EMID1: variants seen among roughly 807,000 people sequenced by gnomAD.
EMID1 encodes the protein EMI domain-containing protein 1.
A neutral mutation model predicts 60.6 loss-of-function variants in EMID1; 40 were observed. The observed-to-expected ratio is 0.66, with a 90% confidence interval of 0.51 to 0.86. EMID1 has a LOEUF of 0.86. Among genes scored for constraint, EMID1 ranks in the 40% least tolerant of loss-of-function variants. The pLI is 0.00. For missense variants in EMID1, 585 were observed against 597.1 expected, an observed-to-expected ratio of 0.98 and a Z score of 0.21; for synonymous variants, 242 against 231.0, an observed-to-expected ratio of 1.05 and a Z score of -0.43.
intron 14 of EMID1, chr22:29,255,134 T>G: frequency 2.0e-6 from 1 of 499,370 alleles, no homozygotes; most frequent in Admixed American, 3.5e-5. Context: ...GAAACTGAGG[T>G]CTCAGTACTG....
intron 3 of EMID1, among the ~76,000 whole-genome samples, chr22:29,222,131 G>T (rs779454078): frequency 1.2e-4 from 18 of 151,980 alleles, no homozygotes; most frequent in Non-Finnish European, 2.2e-4. Flanking sequence ...TTTAGATAGG[G>T]TCTCACTCTT....
At position 29,259,035 on chromosome 22, in the gene EMID1, T is replaced by G; in HGVS notation, c.*91T>G. 6.6e-7 allele frequency: 1 copy of G among 1,526,540 alleles called. No homozygotes were observed. The highest frequency in any genetic ancestry group is 8.8e-7 in the Non-Finnish European group (1 of 1,138,108). The allele number at this position is 1,526,540 out of a possible 1,614,324, so 94.6% of individuals were successfully genotyped here. On this transcript the variant is annotated 3_prime_UTR_variant, in exon 15 of 15. Coordinates refer to ENST00000334018, the MANE Select transcript of EMID1 (RefSeq NM_133455.4). ...CCTCCAGGGACCGCCCGTCCATATT[T>G]ATTAATGTCCTCAGGGTCCCTTCTG...
chr22:29,243,535 A>C (rs780976103), intron 13 of EMID1, 46 bp downstream of exon 13: 1 of 1,611,252 alleles, frequency 6.2e-7, no homozygotes, highest in South Asian at 1.1e-5. Flanking sequence ...TCTCAGCCCT[A>C]CATGCTCAAG....
intron 5 of EMID1, among the ~76,000 whole-genome samples, chr22:29,229,569 G>T (rs1328447103): frequency 6.6e-6 from 1 of 151,626 alleles, no homozygotes; most frequent in Non-Finnish European, 1.5e-5. Flanking sequence ...CTTGAACCTG[G>T]GAGGCGGAGG....
At chr22:29,231,772 C>T in intron 7 of EMID1, 90 bp downstream of exon 7, 4 of 1,287,850 alleles carry the variant, frequency 3.1e-6, no homozygotes, top group Non-Finnish European at 4.1e-6. Context: ...CCAGGATGAC[C>T]TGGGCCCTTT....
At chr22:29,232,795 G>A (rs1040007227) in intron 8 of EMID1, 4 of 199,650 alleles carry the variant, frequency 2.0e-5, no homozygotes, top group Admixed American at 1.1e-4. Flanking sequence ...CCACAGGCCC[G>A]GCCCCTCCTC....
chr22:29,228,609 G>A (rs1043357876), intron 5 of EMID1, among the ~76,000 whole-genome samples: 1 of 152,142 alleles, frequency 6.6e-6, no homozygotes, highest in African/African-American at 2.4e-5. Flanking sequence ...CAGAAACAGG[G>A]TCTTGCTCTG....
chr22:29,215,438 G>A, intron 2 of EMID1, 89 bp from the exon 3 acceptor site: 1 of 1,395,146 alleles, frequency 7.2e-7, no homozygotes, highest in Non-Finnish European at 1.0e-6. Context: ...GATCCTGGAA[G>A]CTCTAGGTTT....
At chr22:29,228,412 A>T (rs1446237789) in intron 5 of EMID1, among the ~76,000 whole-genome samples, 3 of 152,214 alleles carry the variant, frequency 2.0e-5, no homozygotes, top group Non-Finnish European at 4.4e-5. Context: ...CAGAAATGTG[A>T]AAAAACAGCC....
intron 8 of EMID1, chr22:29,232,681 G>A (rs16987293): frequency 2.3e-5 from 9 of 394,796 alleles, no homozygotes; most frequent in East Asian, 4.4e-5. Context: ...TAGAGCCACC[G>A]GGCATCAGGC....
At chr22:29,255,205 T>G (rs1372366380) in intron 14 of EMID1, 60 of 177,984 alleles carry the variant, frequency 3.4e-4, no homozygotes, top group Non-Finnish European at 7.0e-4. Flanking sequence ...CCCTCCCCGC[T>G]TGGCTCCCCA....
intron 3 of EMID1, chr22:29,216,211 T>TGAAGCC: frequency 1.4e-6 from 1 of 703,380 alleles, no homozygotes. Flanking sequence ...TCACTGTGTG[T>TGAAGCC]ACCTCTGGGT....
intron 13 of EMID1, among the ~76,000 whole-genome samples, chr22:29,245,069 C>CT (rs35261866): frequency 0.14 from 20,859 of 151,960 alleles, 1,671 homozygotes; most frequent in East Asian, 0.23. Flanking sequence ...TGGGAGCCCC[C>CT]TACCCTGCAC....
In EMID1 at chr22:29,254,249, A is replaced by G. The variant is rs779473916; in HGVS notation, c.1166A>G (p.Glu389Gly). The G allele has an allele frequency of 6.2e-7, 1 of 1,614,136 alleles. No homozygotes were observed. The highest frequency in any genetic ancestry group is 1.1e-5 in the South Asian group (1 of 91,084). Residue 389 changes from glutamate (E) to glycine (G), a missense_variant, in exon 14 of 15, where the codon GAG becomes GGG. Coordinates refer to ENST00000334018, the MANE Select transcript of EMID1 (RefSeq NM_133455.4). Reference protein sequence around the residue: ...QLREALKILAERVLILETMIG... With the variant: ...QLREALKILAGRVLILETMIG... Reference sequence around the variant, plus strand: ...CGCGAGGCTTTGAAGATTTTAGCTGAGAGGGTTTTAATCTTGGAAACAATG... The same window carrying G: ...CGCGAGGCTTTGAAGATTTTAGCTGGGAGGGTTTTAATCTTGGAAACAATG...
chr22:29,224,023 C>A lies in EMID1; in HGVS notation c.320-1110C>A, dbSNP rs1339789257. On this transcript the variant is annotated intron_variant, in intron 3 of 14. Transcript: ENST00000334018. ...CCGGCCCCAGTCCTGGGCTGGCAAC[C>A]CACCTTCCTCCATCCTGGGTGAGAT... Among the ~76,000 whole-genome samples, 3 of 152,220 alleles carry A rather than the reference C, an allele frequency of 2.0e-5. No homozygotes were observed. In the East Asian group the frequency reaches 5.8e-4, roughly 29 times the overall value.
At chr22:29,225,321 G>A in intron 4 of EMID1, 105 bp downstream of exon 4, 1 of 1,166,114 alleles carries the variant, frequency 8.6e-7, no homozygotes, top group Non-Finnish European at 1.2e-6. Context: ...GTCTGGCAGT[G>A]GAGGGTCAAG....
intron 13 of EMID1, 171 bp from the exon 14 acceptor site, chr22:29,254,032 C>T (rs1208506123): frequency 3.0e-6 from 3 of 985,310 alleles, no homozygotes; most frequent in Non-Finnish European, 3.6e-6. Flanking sequence ...GCCTTGTTGT[C>T]CCCCTCCTGT....
intron 12 of EMID1, among the ~76,000 whole-genome samples, chr22:29,239,000 T>G (rs1238747534): frequency 6.9e-6 from 1 of 144,828 alleles, no homozygotes; most frequent in Non-Finnish European, 1.5e-5. Flanking sequence ...ACTTCAAATA[T>G]TGCTTGTGTT....
At chr22:29,233,900 G>C (rs2040844771) in intron 10 of EMID1, 6 of 662,296 alleles carry the variant, frequency 9.1e-6, no homozygotes, top group Middle Eastern at 3.6e-4. Flanking sequence ...CTAAGACCAA[G>C]AAAAGTAGAG....
Sources: allele counts gnomAD v4.1 joint callset (sites outside exome capture counted in the v4.1 genomes callset), GRCh38; gene constraint gnomAD v4.1.1; transcripts MANE v1.5; gene names NCBI Gene and HGNC (gene_info 2026-07-23, HGNC 2026-07-21).